The following PNISR variants were observed in gnomAD, a reference collection of about 807,000 sequenced individuals.
PNISR encodes PNN interacting serine and arginine rich protein, also known as arginine/serine-rich protein PNISR.
In PNISR, 20 loss-of-function variants were observed where a neutral mutation model predicts 93.4. The ratio of observed to expected loss-of-function variants is 0.21; its 90% CI spans 0.15 to 0.31. The LOEUF is 0.31. PNISR is among the 10% of genes least tolerant of loss of function. The pLI, the probability that PNISR is intolerant of heterozygous loss-of-function variation, is 1.00. For missense variants in PNISR, 893 were observed against 985.4 expected (o/e 0.91, Z 1.25); for synonymous variants, 305 against 306.5 (o/e 0.99, Z 0.05).
rs1777129074 is a variant in PNISR, at chr6:99,412,859, T to TC, written c.89-121_89-120insG. The stretch of plus-strand genomic sequence containing the variant: ...TCTTAAATATTTCAGACAGAGAGGG[T>TC]ATGAGGGAAATTAGAAAAATTTTTT... On this transcript the variant is annotated intron_variant, in intron 3 of 11. Coordinates refer to ENST00000369239, the MANE Select transcript of PNISR (RefSeq NM_032870.4). 13 of 604,876 alleles carry TC rather than the reference T, an allele frequency of 2.1e-5. No homozygotes were observed. The East Asian group carries it at 3.6e-4, about 17-fold the overall frequency. 37.5% of individuals were successfully genotyped at this position (604,876 alleles called of 1,614,324 possible). A position where few individuals can be genotyped will look rare whatever the true frequency, so the allele number is the denominator to read the frequency against.
At chr6:99,405,647 C>T (rs1242729840) in intron 8 of PNISR, among the ~76,000 whole-genome samples, 5 of 152,102 alleles carry the variant, frequency 3.3e-5, no homozygotes, top group Non-Finnish European at 7.4e-5. Flanking sequence ...TCACTGCAAC[C>T]TCTGCTTCCC....
chr6:99,408,390 T>C (rs1177603098), intron 6 of PNISR, 119 bp from the exon 7 acceptor site: 1 of 673,200 alleles, frequency 1.5e-6, no homozygotes, highest in East Asian at 2.7e-5. Context: ...CCATCACTTT[T>C]AGTAACAGCA....
intron 1 of PNISR, chr6:99,424,907 C>T (rs1433941641): frequency 1.6e-5 from 4 of 255,154 alleles, no homozygotes; most frequent in African/African-American, 2.2e-5. Flanking sequence ...GGGGTTCCCA[C>T]TGCGCACGCG....
At chr6:99,412,315 C>A in intron 4 of PNISR, 1 of 636,124 alleles carries the variant, frequency 1.6e-6, no homozygotes, top group Non-Finnish European at 2.9e-6. Context: ...CAGCCCCTGT[C>A]AGCCTAGGAA....
rs891602438 is a variant in PNISR at position 99,408,722 on chromosome 6, T to C, written c.673+451A>G. Among the ~76,000 whole-genome samples the C allele has an allele frequency of 3.1e-4, 46 of 150,062 alleles. 1 individual carries two copies. The highest frequency in any genetic ancestry group is 1.1e-3 in the African/African-American group (42 of 39,410). On this transcript the variant is annotated intron_variant, in intron 6 of 11. Transcript: ENST00000369239. ...TGTCACTTGAAATAGGCTGGCTCTA[T>C]AATGTTATTTAAAAAATTGAAATTT...
Position 99,400,571 on chromosome 6 carries a change from C to A in PNISR, c.2387G>T (p.Arg796Leu). The A allele has an allele frequency of 2.5e-6, 4 of 1,613,786 alleles. No individual in the cohort carries two copies. The highest frequency in any genetic ancestry group is 3.4e-6 in the Non-Finnish European group (4 of 1,179,878). ...TGATCGGGACTTAGACTTGTGTTTG[C>A]GGCTTGCCTTCTTACCAGACCTTTG... The part of the protein sequence containing the change: ...KSQRSGKKAS[R>L]KHKSKSRSR Residue 796 changes from arginine (R) to leucine (L), a missense_variant, in exon 12 of 12, where the codon CGC becomes CTC. Around this residue, in one of 3 missense-constraint regions of PNISR, gnomAD observed 866 missense variants for 935.1 expected, o/e 0.93. Coordinates refer to ENST00000369239, the MANE Select transcript of PNISR (RefSeq NM_032870.4).
chr6:99,402,180 C>T (rs537961449), intron 11 of PNISR, among the ~76,000 whole-genome samples: 1 of 152,216 alleles, frequency 6.6e-6, no homozygotes, highest in South Asian at 2.1e-4. Flanking sequence ...TTTTGTTATT[C>T]CTAGTATTAG....
intron 7 of PNISR, among the ~76,000 whole-genome samples, chr6:99,406,460 C>G (rs1258362790): frequency 6.6e-6 from 1 of 151,910 alleles, no homozygotes; most frequent in African/African-American, 2.4e-5. Flanking sequence ...AACATAATGC[C>G]CAGAGACTGA....
rs1328450014 is a variant in PNISR at position 99,408,201 on chromosome 6, C to G, written c.744G>C (p.Gln248His). 11 of 1,613,334 alleles carry G rather than the reference C, an allele frequency of 6.8e-6. No individual in the cohort carries two copies. Among genetic ancestry groups the G allele is most frequent in the South Asian group, 1.1e-5 (1 of 91,032 alleles). Residue 248 changes from glutamine (Q) to histidine (H), a missense_variant, in exon 7 of 12, where the codon CAG (glutamine) becomes CAC (histidine). Physicochemically the swap from Gln to His is conservative, Grantham distance 24. Around this residue, in one of 3 missense-constraint regions of PNISR, gnomAD observed 866 missense variants for 935.1 expected, o/e 0.93. Transcript: ENST00000369239. ...CCATTCTTTCTTTCTCCAATTTCTTCTGCTTTTCACGTTCCATTTTTTCAA... is the reference window on the plus strand; with the variant it reads ...CCATTCTTTCTTTCTCCAATTTCTTGTGCTTTTCACGTTCCATTTTTTCAA... ...EGLEKMEREK[Q>H]KKLEKERMEQ... is the part of the protein sequence containing the mutation.
rs867593145 is a variant in PNISR, at chr6:99,417,930, T to A, written c.-111-1502A>T. ...TTGCAGTGAGCCGAGATTGTGCCAT[T>A]GCACTCTAGCCTGGGCGACAAGAGC... On this transcript the variant is annotated intron_variant, in intron 1 of 11. Transcript: ENST00000369239. Among the ~76,000 whole-genome samples the A allele has an allele frequency of 6.4e-5, 9 of 139,552 alleles. No homozygotes were observed. The South Asian group carries it at 1.1e-3, about 18-fold the overall frequency. The allele number at this position is 139,552 out of a possible 152,430, so 91.6% of individuals were successfully genotyped here.
intron 9 of PNISR, 199 bp from the exon 10 acceptor site, chr6:99,404,081 T>C: frequency 3.7e-6 from 2 of 536,282 alleles, no homozygotes; most frequent in South Asian, 5.2e-5. Flanking sequence ...CTGAAATTGG[T>C]TTATAATGAG....
At chr6:99,418,527 A>G (rs1270905281) in intron 1 of PNISR, among the ~76,000 whole-genome samples, 1 of 151,734 alleles carries the variant, frequency 6.6e-6, no homozygotes, top group African/African-American at 2.4e-5. Flanking sequence ...ATCACCTATG[A>G]TCATTTTTCT....
At position 99,425,250 on chromosome 6, in the gene PNISR, T is replaced by G. The variant is rs1442110666; in HGVS notation, c.-147A>C. ...TCGGGAACACCCTTGTCGCCGCCGT[T>G]CCGGTAACACCTCTCCAACGCTTTC... On this transcript the variant is annotated 5_prime_UTR_variant, in exon 1 of 12. Transcript: ENST00000369239. 1.6e-6 allele frequency: 2 copies of G among 1,232,054 alleles called. No individual in the cohort carries two copies. Among genetic ancestry groups the G allele is most frequent in the African/African-American group, 1.6e-5 (1 of 64,414 alleles). 76.3% of individuals were successfully genotyped at this position (1,232,054 alleles called of 1,614,324 possible). A position where few individuals can be genotyped will look rare whatever the true frequency, so the allele number is the denominator to read the frequency against.
Position 99,412,585 on chromosome 6 carries a change from T to G in PNISR, c.243A>C (p.Gln81His). 2.5e-6 allele frequency: 4 copies of G among 1,604,364 alleles called. No individual in the cohort carries two copies. The highest frequency in any genetic ancestry group is 3.4e-6 in the Non-Finnish European group (4 of 1,176,832). ...ESGPNNHGNFQGDSNFNRMWQ... is the reference protein window; with the variant it reads ...ESGPNNHGNFHGDSNFNRMWQ... ...ACATTCTGTTGAAGTTTGAATCCCC[T>G]TGGAAATTCCCATGATTGTTTGGAC... Residue 81 changes from glutamine to histidine, a missense_variant, in exon 4 of 12, where the codon CAA (glutamine) becomes CAC (histidine). Gln to His is a conservative substitution (Grantham distance 24). Coordinates refer to ENST00000369239, the MANE Select transcript of PNISR (RefSeq NM_032870.4).
Position 99,406,018 on chromosome 6 carries a change from T to C in PNISR, c.1002+13A>G. Reference sequence around the variant, plus strand: ...ATAAATCCATGTACATAGTAAGAACTTTAACATTCTACCATTTGATACTCT... The same window carrying C: ...ATAAATCCATGTACATAGTAAGAACCTTAACATTCTACCATTTGATACTCT... On this transcript the variant is annotated intron_variant, in intron 8 of 11. Coordinates refer to ENST00000369239, the MANE Select transcript of PNISR (RefSeq NM_032870.4). 2 of 1,589,172 alleles carry C rather than the reference T, an allele frequency of 1.3e-6. No individual in the cohort carries two copies. Among genetic ancestry groups the C allele is most frequent in the East Asian group, 4.5e-5 (2 of 44,298 alleles).
intron 3 of PNISR, among the ~76,000 whole-genome samples, chr6:99,413,027 T>C (rs1343355003): frequency 1.3e-5 from 2 of 152,204 alleles, no homozygotes; most frequent in Non-Finnish European, 2.9e-5. Flanking sequence ...CCATTTCTAA[T>C]ATTAATTCAT....
rs374358692 is a variant in PNISR, at chr6:99,409,063, T to C, written c.673+110A>G. 4.8e-6 allele frequency: 4 copies of C among 827,496 alleles called. No individual in the cohort carries two copies. The East Asian group carries it at 1.1e-4, about 22-fold the overall frequency. 51.3% of individuals were successfully genotyped at this position (827,496 alleles called of 1,614,324 possible). On this transcript the variant is annotated intron_variant, in intron 6 of 11. Transcript: ENST00000369239. ...ATGACCATAAAAAATAAAGTGTCAA[T>C]TCCTAACACATCAGAGATACTCAAA...
intron 1 of PNISR, among the ~76,000 whole-genome samples, chr6:99,421,181 T>G (rs1778504731): frequency 6.6e-6 from 1 of 152,198 alleles, no homozygotes; most frequent in South Asian, 2.1e-4. Flanking sequence ...GTATTTCCCT[T>G]CATGTGGTAA....
At chr6:99,408,328 TTG>T in intron 6 of PNISR, 57 bp from the exon 7 acceptor site, 1 of 1,242,072 alleles carries the variant, frequency 8.1e-7, no homozygotes, top group African/African-American at 1.5e-5. Flanking sequence ...TTCTACAAAC[TTG>T]TGAGTAAATT....
Sources: gnomAD v4.1 joint callset for allele counts (sites outside exome capture counted in the v4.1 genomes callset) on GRCh38, gnomAD v4.1.1 for gene constraint, gnomAD v4.1.1 regional missense constraint, MANE v1.5 for transcripts, NCBI Gene and HGNC (gene_info 2026-07-23, HGNC 2026-07-21) for gene names.